KCNJ6: variants seen among roughly 807,000 people sequenced by gnomAD.
KCNJ6 encodes G protein-activated inward rectifier potassium channel 2.
Under a neutral mutation model 34.2 loss-of-function variants are expected in KCNJ6, and 9 were observed. The observed-to-expected ratio is 0.26, with a 90% CI of 0.16 to 0.46. The LOEUF (loss-of-function observed/expected upper bound fraction) is 0.46, where lower values mean the gene tolerates loss of function less well. Among genes scored for constraint, KCNJ6 ranks in the 20% least tolerant of loss-of-function variants. KCNJ6 has a pLI of 1.00. For missense variants in KCNJ6, 236 were observed against 531.3 expected, an observed-to-expected ratio of 0.44 and a Z score of 5.46; for synonymous variants, 196 against 207.1, an observed-to-expected ratio of 0.95 and a Z score of 0.46.
At position 37,753,185 on chromosome 21, in the gene KCNJ6, C is replaced by T. The variant is rs143157329; in HGVS notation, c.26-38054G>A. On this transcript the variant is annotated intron_variant, in intron 2 of 3. Transcript: ENST00000609713. Reference sequence around the variant, plus strand: ...GGGCTGAGAAAGGCAGCTCTGGTCTCTGCAAATCTGCAGGGGTTTCTGGAT... The same window carrying T: ...GGGCTGAGAAAGGCAGCTCTGGTCTTTGCAAATCTGCAGGGGTTTCTGGAT... Among the ~76,000 whole-genome samples, 85 of 152,298 alleles carry T rather than the reference C, an allele frequency of 5.6e-4. 2 individuals carry two copies. In the East Asian group the frequency reaches 8.3e-3, roughly 15 times the overall value.
At chr21:37,834,428 C>T (rs759635329) in intron 2 of KCNJ6, among the ~76,000 whole-genome samples, 10 of 152,190 alleles carry the variant, frequency 6.6e-5, no homozygotes, top group Non-Finnish European at 1.3e-4. Flanking sequence ...AGGAAAGCCT[C>T]GTGGCCTGCA....
At chr21:37,708,577 T>C (rs2054733554) in intron 3 of KCNJ6, among the ~76,000 whole-genome samples, 1 of 146,994 alleles carries the variant, frequency 6.8e-6, no homozygotes, top group South Asian at 2.3e-4. Flanking sequence ...ATATTCCATA[T>C]GTCTTTAAAT....
intron 2 of KCNJ6, among the ~76,000 whole-genome samples, chr21:37,778,977 A>G (rs1176924743): frequency 6.6e-6 from 1 of 152,072 alleles, no homozygotes; most frequent in Non-Finnish European, 1.5e-5. Flanking sequence ...GCATTTGTAC[A>G]GCTCTTTGCA....
chr21:37,664,921 G>C (rs567187627), intron 3 of KCNJ6, among the ~76,000 whole-genome samples: 6 of 148,734 alleles, frequency 4.0e-5, no homozygotes, highest in Middle Eastern at 7.1e-3. Context: ...TCAGCCTCCC[G>C]AGTAACTGGA....
At chr21:37,844,064 A>ATTT (rs3061052) in intron 1 of KCNJ6, among the ~76,000 whole-genome samples, 11,193 of 143,524 alleles carry the variant, frequency 0.078, 557 homozygotes, top group Middle Eastern at 0.11. Flanking sequence ...GATATTTTGC[A>ATTT]TTTTTTTTTT....
At chr21:37,908,200 G>A (rs943170527) in intron 1 of KCNJ6, among the ~76,000 whole-genome samples, 2 of 152,152 alleles carry the variant, frequency 1.3e-5, no homozygotes, top group Non-Finnish European at 1.5e-5. Context: ...GTTTCTTCTG[G>A]TTCTTCCTCT....
chr21:37,611,781 A>G lies in KCNJ6; in HGVS notation c.*13378T>C, dbSNP rs2054243539. On this transcript the variant is annotated 3_prime_UTR_variant, in exon 4 of 4. Transcript: ENST00000609713. ...TGCAGAAAAATCCAAACAGTCTTTC[A>G]TGATAAAAACACTCAGTAAAGCAGG... 6.6e-6 allele frequency: 1 copy of G among 152,170 alleles called. No individual in the cohort carries two copies. Among genetic ancestry groups the G allele is most frequent in the African/African-American group, 2.4e-5 (1 of 41,454 alleles). The allele number at this position is 152,170 out of a possible 1,614,324, so 9.4% of individuals were successfully genotyped here.
At chr21:37,891,863 G>A (rs900744480) in intron 1 of KCNJ6, among the ~76,000 whole-genome samples, 2 of 152,138 alleles carry the variant, frequency 1.3e-5, no homozygotes, top group Non-Finnish European at 1.5e-5. Context: ...GCTGGCGGCA[G>A]TTGTGGTGGT....
intron 1 of KCNJ6, among the ~76,000 whole-genome samples, chr21:37,853,853 T>TATACATATATATATATAC (rs1317826648): frequency 7.0e-6 from 1 of 142,292 alleles, no homozygotes; most frequent in African/African-American, 2.7e-5. Context: ...TATGTATATA[T>TATACATATATATATATAC]ATATATATAA....
intron 2 of KCNJ6, among the ~76,000 whole-genome samples, chr21:37,748,074 A>G (rs2054976747): frequency 6.6e-6 from 1 of 152,174 alleles, no homozygotes. Flanking sequence ...CTTAGTCAGA[A>G]GCAAGACCAG....
At position 37,793,112 on chromosome 21, in the gene KCNJ6, T is replaced by G. The variant is rs141610562; in HGVS notation, c.25+47546A>C. ...TCAGGATAGGATGGCCTAACCCTGA[T>G]GAAGCTGGAAGGAATTTAGAGTTAG... On this transcript the variant is annotated intron_variant, in intron 2 of 3. Transcript: ENST00000609713. Among the ~76,000 whole-genome samples, 5 of 152,350 alleles carry G rather than the reference T, an allele frequency of 3.3e-5. No individual in the cohort carries two copies. In the East Asian group the frequency reaches 7.7e-4, roughly 23 times the overall value.
intron 2 of KCNJ6, among the ~76,000 whole-genome samples, chr21:37,718,366 A>C (rs546249395): frequency 5.9e-4 from 90 of 152,282 alleles, no homozygotes; most frequent in African/African-American, 2.1e-3. Context: ...ATGTTGTGGG[A>C]AGAAATATAT....
rs1555853068 is a variant in KCNJ6, at chr21:37,886,932, G to GC, written c.-28+28951_-28+28952insG. Among the ~76,000 whole-genome samples the GC allele has an allele frequency of 9.4e-5, 12 of 127,044 alleles. No homozygotes were observed. The South Asian group carries it at 3.1e-3, about 33-fold the overall frequency. The allele number at this position is 127,044 out of a possible 152,430, so 83.3% of individuals were successfully genotyped here. A position where few individuals can be genotyped will look rare whatever the true frequency, so the allele number is the denominator to read the frequency against. On this transcript the variant is annotated intron_variant, in intron 1 of 3. Coordinates refer to ENST00000609713, the MANE Select transcript of KCNJ6 (RefSeq NM_002240.5). ...TTCCCCCACCACCTGATCCAACCTT[G>GC]TTTTTTTTTTTTTTTTTCTTTTCTA...
intron 1 of KCNJ6, among the ~76,000 whole-genome samples, chr21:37,887,695 G>A (rs544825255): frequency 1.3e-5 from 2 of 152,342 alleles, no homozygotes; most frequent in Admixed American, 6.5e-5. Context: ...CAGGATGGAT[G>A]TGAAGGGGCA....
At chr21:37,897,699 A>G (rs73904491) in intron 1 of KCNJ6, among the ~76,000 whole-genome samples, 123 of 152,290 alleles carry the variant, frequency 8.1e-4, no homozygotes, top group African/African-American at 2.9e-3. Flanking sequence ...GATTTCCTGC[A>G]TCCATCAGGG....
At chr21:37,751,191 G>A (rs2123483218) in intron 2 of KCNJ6, among the ~76,000 whole-genome samples, 1 of 152,372 alleles carries the variant, frequency 6.6e-6, no homozygotes, top group East Asian at 1.9e-4. Flanking sequence ...CACACAGAGA[G>A]AGAAATGCAG....
chr21:37,793,288 G>C, intron 2 of KCNJ6, among the ~76,000 whole-genome samples: 1 of 152,164 alleles, frequency 6.6e-6, no homozygotes, highest in Admixed American at 6.5e-5. Context: ...TTGTGAGTGG[G>C]TGTTAATACA....
At chr21:37,683,159 T>C (rs1249577858) in intron 3 of KCNJ6, among the ~76,000 whole-genome samples, 1 of 152,220 alleles carries the variant, frequency 6.6e-6, no homozygotes, top group Non-Finnish European at 1.5e-5. Context: ...TTCAGCTATG[T>C]ATTCCCAGAG....
intron 2 of KCNJ6, among the ~76,000 whole-genome samples, chr21:37,786,721 C>T (rs538490251): frequency 6.6e-6 from 1 of 152,322 alleles, no homozygotes; most frequent in East Asian, 1.9e-4. Context: ...CTTGAATTTG[C>T]TACTTACTAA....
Sources: gnomAD v4.1 joint callset for allele counts (sites outside exome capture counted in the v4.1 genomes callset) on GRCh38, gnomAD v4.1.1 for gene constraint, MANE v1.5 for transcripts, NCBI Gene and HGNC (gene_info 2026-07-23, HGNC 2026-07-21) for gene names.